The following ANKFN1 variants were observed in gnomAD, a reference collection of about 807,000 sequenced individuals.
ANKFN1 encodes the protein ankyrin repeat and fibronectin type-III domain-containing protein 1.
A neutral mutation model predicts 108.7 loss-of-function variants in ANKFN1; 74 were observed. That is an observed-to-expected ratio of 0.68 (90% CI 0.56 to 0.83). ANKFN1 has a LOEUF of 0.83. Ranked by LOEUF, ANKFN1 falls within the 40% of genes least tolerant of loss-of-function variation. The probability of loss-of-function intolerance (pLI) is 0.00; values close to 1 mark genes in which losing one functional copy is unlikely to be tolerated. For missense variants in ANKFN1, 1,505 were observed against 1,382.3 expected, an observed-to-expected ratio of 1.09 and a Z score of -1.41; for synonymous variants, 547 against 516.2, an observed-to-expected ratio of 1.06 and a Z score of -0.81.
chr17:56,500,149 T>C (rs985610984), intron 20 of ANKFN1, among the ~76,000 whole-genome samples: 25 of 152,162 alleles, frequency 1.6e-4, no homozygotes, highest in Non-Finnish European at 3.5e-4. Context: ...CCTTGAAGAG[T>C]TACTTGTGAA....
At chr17:56,157,505 C>T (rs4503860) in intron 1 of ANKFN1, among the ~76,000 whole-genome samples, 1 of 152,266 alleles carries the variant, frequency 6.6e-6, no homozygotes, top group Admixed American at 6.5e-5. Context: ...AGTTCAGATG[C>T]AAATGGATCT....
Position 56,512,997 on chromosome 17 carries a change from C to G in ANKFN1, c.*1728C>G, listed in dbSNP as rs1373566173. Among the ~76,000 whole-genome samples the G allele has an allele frequency of 6.6e-6, 1 of 152,158 alleles. No individual in the cohort carries two copies. The highest frequency in any genetic ancestry group is 1.5e-5 in the Non-Finnish European group (1 of 68,028). On this transcript the variant is annotated 3_prime_UTR_variant, in exon 21 of 21. Transcript: ENST00000682825. ...CAATTTTCTTCTGTCTAAGTGAATT[C>G]TATGTGCATGGAGAGTGTTAGAACT...
chr17:56,266,010 G>A (rs1165997576), intron 3 of ANKFN1, among the ~76,000 whole-genome samples: 1 of 152,186 alleles, frequency 6.6e-6, no homozygotes, highest in East Asian at 1.9e-4. Context: ...CTCTGGAAGA[G>A]TATCTAGCTA....
chr17:56,166,353 G>A (rs987373783), intron 1 of ANKFN1, among the ~76,000 whole-genome samples: 1 of 152,090 alleles, frequency 6.6e-6, no homozygotes, highest in African/African-American at 2.4e-5. Context: ...AGTGTCCTTG[G>A]AATTCATCAT....
intron 4 of ANKFN1, among the ~76,000 whole-genome samples, chr17:56,147,201 G>T (rs1908315798): frequency 6.6e-6 from 1 of 152,156 alleles, no homozygotes; most frequent in African/African-American, 2.4e-5. Flanking sequence ...CAAGTTTCTA[G>T]GAAGTTCCAA....
At chr17:56,286,803 A>G (rs1250796552) in intron 3 of ANKFN1, among the ~76,000 whole-genome samples, 1 of 152,186 alleles carries the variant, frequency 6.6e-6, no homozygotes, top group Non-Finnish European at 1.5e-5. Context: ...AGATGATCAT[A>G]TGATATGGCA....
In ANKFN1 at chr17:56,049,289, A is replaced by C. The variant is rs1265831838; in HGVS notation, c.288+2964A>C. Among the ~76,000 whole-genome samples, 3 of 152,254 alleles carry C rather than the reference A, an allele frequency of 2.0e-5. No homozygotes were observed. In the East Asian group the frequency reaches 5.8e-4, roughly 29 times the overall value. ...GCCAAGAATGCCCAGTGGCAACCAC[A>C]CAGCAGCTCAGCATGCATTTGCCCA... On this transcript the variant is annotated intron_variant, in intron 4 of 12. Transcript: ENST00000635860.
chr17:56,239,299 G>A (rs538283135), intron 3 of ANKFN1, among the ~76,000 whole-genome samples: 18 of 152,206 alleles, frequency 1.2e-4, no homozygotes, highest in African/African-American at 4.3e-4. Flanking sequence ...AGATAGAAGG[G>A]AAAAGATCTA....
At chr17:56,412,389 T>C (rs1598558718) in intron 8 of ANKFN1, among the ~76,000 whole-genome samples, 2 of 152,164 alleles carry the variant, frequency 1.3e-5, no homozygotes, top group Admixed American at 6.5e-5. Context: ...CTTGATTGGA[T>C]TGAAGGATGA....
intron 3 of ANKFN1, among the ~76,000 whole-genome samples, chr17:56,282,738 G>A (rs191395375): frequency 6.6e-6 from 1 of 151,852 alleles, no homozygotes; most frequent in Admixed American, 6.5e-5. Flanking sequence ...TTTTTTGAAG[G>A]CCTGGTGCTA....
chr17:56,120,650 T>G (rs1434114260), intron 4 of ANKFN1, among the ~76,000 whole-genome samples: 7 of 152,116 alleles, frequency 4.6e-5, no homozygotes, highest in Non-Finnish European at 1.0e-4. Flanking sequence ...ATACGATGAG[T>G]AATTTACCTT....
At chr17:56,419,252 C>T (rs929497846) in intron 8 of ANKFN1, among the ~76,000 whole-genome samples, 69 of 152,160 alleles carry the variant, frequency 4.5e-4, no homozygotes, top group African/African-American at 1.5e-3. Flanking sequence ...GAGGCCGAGG[C>T]GGGCAGATCA....
At chr17:56,282,062 A>G (rs191678356) in intron 3 of ANKFN1, among the ~76,000 whole-genome samples, 30 of 152,334 alleles carry the variant, frequency 2.0e-4, no homozygotes, top group Admixed American at 6.5e-4. Context: ...TATTCATCAT[A>G]GCCCCAAAGT....
At chr17:56,207,400 A>C (rs1393167015) in intron 1 of ANKFN1, among the ~76,000 whole-genome samples, 1 of 152,170 alleles carries the variant, frequency 6.6e-6, no homozygotes, top group Non-Finnish European at 1.5e-5. Context: ...CTGCTGGTGT[A>C]GTTATCTCAA....
At chr17:56,139,671 A>G (rs1907803147) in intron 4 of ANKFN1, among the ~76,000 whole-genome samples, 1 of 152,194 alleles carries the variant, frequency 6.6e-6, no homozygotes, top group Admixed American at 6.6e-5. Context: ...AGAAGTGAGA[A>G]AAGGACCACC....
intron 4 of ANKFN1, among the ~76,000 whole-genome samples, chr17:56,121,861 C>A (rs938838918): frequency 6.6e-6 from 1 of 152,174 alleles, no homozygotes; most frequent in African/African-American, 2.4e-5. Flanking sequence ...GGCCTCCTTG[C>A]TGTACTAGAC....
At chr17:56,407,287 T>C (rs1432326197) in intron 8 of ANKFN1, among the ~76,000 whole-genome samples, 3 of 152,180 alleles carry the variant, frequency 2.0e-5, no homozygotes, top group African/African-American at 7.2e-5. Flanking sequence ...GTAGCAGTAA[T>C]ACTAGGAAAT....
intron 7 of ANKFN1, 94 bp downstream of exon 7, chr17:56,372,934 A>G (rs1418093213): frequency 3.1e-6 from 4 of 1,303,868 alleles, no homozygotes; most frequent in Admixed American, 2.3e-5. Context: ...TTTCAGCTCT[A>G]CAGAGTCATG....
chr17:56,093,235 ATTTAT>A (rs1383151214), intron 4 of ANKFN1, among the ~76,000 whole-genome samples: 1 of 150,946 alleles, frequency 6.6e-6, no homozygotes, highest in Non-Finnish European at 1.5e-5. Context: ...ATATTAAATC[ATTTAT>A]TTTATTAATT....
Sources: gnomAD v4.1 joint callset for allele counts (sites outside exome capture counted in the v4.1 genomes callset) on GRCh38, gnomAD v4.1.1 for gene constraint, MANE v1.5 for transcripts, NCBI Gene and HGNC (gene_info 2026-07-23, HGNC 2026-07-21) for gene names.